Variants in RIMS2 observed in about 807,000 individuals in gnomAD.
RIMS2 encodes regulating synaptic membrane exocytosis protein 2.
Under a neutral mutation model 174.4 loss-of-function variants are expected in RIMS2, and 59 were observed. The observed-to-expected ratio is 0.34, with a 90% CI of 0.27 to 0.42. The LOEUF (loss-of-function observed/expected upper bound fraction) is 0.42, where lower values mean the gene tolerates loss of function less well. Ranked by LOEUF, RIMS2 falls within the 10% of genes least tolerant of loss-of-function variation. The probability of loss-of-function intolerance (pLI) is 1.00; values close to 1 mark genes in which losing one functional copy is unlikely to be tolerated. For synonymous variants in RIMS2, 606 were observed against 572.5 expected (o/e 1.06, Z -0.84); for missense variants, 1,620 against 1,666.3 (o/e 0.97, Z 0.48).
rs563491147 is a variant in RIMS2 at position 103,851,688 on chromosome 8, C to T, written c.699-33610C>T. Among the ~76,000 whole-genome samples, 253 of 133,646 alleles carry T rather than the reference C, an allele frequency of 1.9e-3. 2 individuals carry two copies. Among genetic ancestry groups the T allele is most frequent in the African/African-American group, 6.5e-3 (232 of 35,592 alleles). The allele number at this position is 133,646 out of a possible 152,430, so 87.7% of individuals were successfully genotyped here. A position where few individuals can be genotyped will look rare whatever the true frequency, so the allele number is the denominator to read the frequency against. ...ACACACACACACACACACACACACA[C>T]ACACAGGCAACTCAAAAGTTTAAGA... On this transcript the variant is annotated intron_variant, in intron 3 of 23. Transcript: ENST00000504942.
chr8:103,647,876 G>A (rs190760647), intron 1 of RIMS2, among the ~76,000 whole-genome samples: 2 of 144,144 alleles, frequency 1.4e-5, no homozygotes, highest in East Asian at 1.9e-4. Flanking sequence ...CCAGCTGCTG[G>A]GTTCATTGAT....
At chr8:103,700,371 C>G (rs12547819) in intron 2 of RIMS2, among the ~76,000 whole-genome samples, 18,880 of 151,876 alleles carry the variant, frequency 0.12, 1,268 homozygotes, top group Middle Eastern at 0.22. Flanking sequence ...TGGTCTAATA[C>G]ATGTATATAG....
Position 103,688,328 on chromosome 8 carries a change from T to G in RIMS2, c.177-8758T>G, listed in dbSNP as rs146253688. ...AAGGATATTGAATTTTATCAAATGCTTTTTCTGCATCTATTAAAATGATCA... is the reference window on the plus strand; with the variant it reads ...AAGGATATTGAATTTTATCAAATGCGTTTTCTGCATCTATTAAAATGATCA... On this transcript the variant is annotated intron_variant, in intron 1 of 23. Transcript: ENST00000504942. 1.6e-3 allele frequency among the ~76,000 whole-genome samples: 242 copies of G among 152,194 alleles called. 1 individual carries two copies. Among genetic ancestry groups the G allele is most frequent in the African/African-American group, 5.3e-3 (221 of 41,578 alleles).
rs184470699 is a variant in RIMS2, at chr8:104,059,933, G to C, written c.3334+45318G>C. Among the ~76,000 whole-genome samples, 1,139 of 152,176 alleles carry C rather than the reference G, an allele frequency of 7.5e-3. 21 individuals carry two copies. Among genetic ancestry groups the C allele is most frequent in the East Asian group, 8.7e-3 (45 of 5,182 alleles). On this transcript the variant is annotated intron_variant, in intron 19 of 23. Transcript: ENST00000504942. ...CAGGGATGAATCCCACTTGGTCATG[G>C]TGGATAAGCTTTTTGATGTGCTGCT...
At chr8:103,812,388 C>G (rs1003590452) in intron 3 of RIMS2, among the ~76,000 whole-genome samples, 1 of 132,716 alleles carries the variant, frequency 7.5e-6, no homozygotes, top group Non-Finnish European at 1.6e-5. Context: ...TCACCCTTGT[C>G]CCCCAGGCTT....
intron 16 of RIMS2, among the ~76,000 whole-genome samples, chr8:103,979,524 C>A (rs193008094): frequency 1.3e-5 from 2 of 152,100 alleles, no homozygotes; most frequent in Non-Finnish European, 2.9e-5. Context: ...TGTGAGGGGA[C>A]AAAGCAAGAT....
intron 1 of RIMS2, among the ~76,000 whole-genome samples, chr8:103,611,695 G>A (rs1051455196): frequency 2.6e-5 from 4 of 151,642 alleles, no homozygotes; most frequent in African/African-American, 9.7e-5. Flanking sequence ...CCTGCTTTTA[G>A]GATCCTTTCT....
intron 19 of RIMS2, among the ~76,000 whole-genome samples, chr8:104,103,549 T>G (rs1476004965): frequency 1.3e-5 from 2 of 152,172 alleles, no homozygotes; most frequent in Non-Finnish European, 2.9e-5. Context: ...TCTTTTATTC[T>G]AATACTCCTT....
At chr8:103,974,285 A>C (rs2093212072) in intron 15 of RIMS2, among the ~76,000 whole-genome samples, 1 of 152,196 alleles carries the variant, frequency 6.6e-6, no homozygotes, top group Admixed American at 6.5e-5. Flanking sequence ...TGTTTTTCTG[A>C]GTTATTTCTG....
intron 1 of RIMS2, among the ~76,000 whole-genome samples, chr8:103,688,742 T>A (rs890240931): frequency 6.6e-6 from 1 of 152,092 alleles, no homozygotes; most frequent in Non-Finnish European, 1.5e-5. Flanking sequence ...CTTTAATGTC[T>A]CCTCTTTAAT....
At position 103,608,094 on chromosome 8, in the gene RIMS2, G is replaced by T. The variant is rs1488079420; in HGVS notation, c.177-88992G>T. On this transcript the variant is annotated intron_variant, in intron 1 of 23. Transcript: ENST00000504942. ...GAGGCGCTCTGCTTTTTAATTTCCA[G>T]TTTTTCTGTTCTGTTTTTTCCCCAT... 2.0e-5 allele frequency among the ~76,000 whole-genome samples: 3 copies of T among 149,758 alleles called. No individual in the cohort carries two copies. In the East Asian group the frequency reaches 5.8e-4, roughly 29 times the overall value.
At chr8:103,840,622 C>T (rs1193224704) in intron 3 of RIMS2, among the ~76,000 whole-genome samples, 2 of 151,878 alleles carry the variant, frequency 1.3e-5, no homozygotes, top group Non-Finnish European at 2.9e-5. Context: ...GGATACATTC[C>T]GTTCATATGT....
rs1188446110 is a variant in RIMS2, at chr8:103,784,032, T to G, written c.698+17495T>G. 7.3e-5 allele frequency among the ~76,000 whole-genome samples: 11 copies of G among 151,314 alleles called. No homozygotes were observed. The East Asian group carries it at 2.1e-3, about 29-fold the overall frequency. ...TCTGATGGTCAGTGATGGTGAGCAT[T>G]TTTTCATGTGTTTTTTGGCTGCATA... is the stretch of plus-strand genomic sequence containing the variant. On this transcript the variant is annotated intron_variant, in intron 3 of 23. Transcript: ENST00000504942.
At chr8:103,983,794 A>G (rs1208556591) in intron 16 of RIMS2, among the ~76,000 whole-genome samples, 1 of 152,206 alleles carries the variant, frequency 6.6e-6, no homozygotes, top group Admixed American at 6.5e-5. Context: ...CTATGAAACT[A>G]TTACAAGAAA....
At chr8:103,814,256 G>A (rs192725605) in intron 3 of RIMS2, among the ~76,000 whole-genome samples, 1 of 152,142 alleles carries the variant, frequency 6.6e-6, no homozygotes, top group Admixed American at 6.5e-5. Flanking sequence ...GGAGGGTGGA[G>A]GATAGGAGGA....
At chr8:104,236,096 C>T (rs557553798) in intron 19 of RIMS2, among the ~76,000 whole-genome samples, 2 of 150,178 alleles carry the variant, frequency 1.3e-5, no homozygotes, top group East Asian at 3.9e-4. Flanking sequence ...CTCTCTATTC[C>T]CTGTATTTCC....
At chr8:104,212,317 G>A (rs1170181036) in intron 19 of RIMS2, among the ~76,000 whole-genome samples, 3 of 152,202 alleles carry the variant, frequency 2.0e-5, no homozygotes, top group Admixed American at 6.5e-5. Flanking sequence ...TACAACAGGT[G>A]TTGGAGGTGT....
intron 19 of RIMS2, among the ~76,000 whole-genome samples, chr8:104,055,375 A>G (rs566967178): frequency 1.9e-3 from 285 of 152,294 alleles, no homozygotes; most frequent in Non-Finnish European, 3.7e-3. Flanking sequence ...GTGATAATAC[A>G]TGCTACTCTG....
intron 17 of RIMS2, among the ~76,000 whole-genome samples, chr8:104,006,406 C>G (rs943276244): frequency 1.3e-5 from 2 of 151,846 alleles, no homozygotes; most frequent in African/African-American, 2.4e-5. Flanking sequence ...CAAAATTAGC[C>G]GGGCGTGGTG....
Sources: allele counts gnomAD v4.1 joint callset (sites outside exome capture counted in the v4.1 genomes callset), GRCh38; gene constraint gnomAD v4.1.1; transcripts MANE v1.5; gene names NCBI Gene and HGNC (gene_info 2026-07-23, HGNC 2026-07-21).